Variants in SIL1 observed in about 807,000 individuals in gnomAD.
SIL1 encodes nucleotide exchange factor SIL1.
Under a neutral mutation model 49.1 loss-of-function variants are expected in SIL1, and 40 were observed. The ratio of observed to expected loss-of-function variants is 0.81; its 90% CI spans 0.63 to 1.06. SIL1 has a LOEUF of 1.06. SIL1 is among the 50% of genes least tolerant of loss of function. The pLI is 0.00. For synonymous variants in SIL1, 253 were observed against 250.8 expected (o/e 1.01, Z -0.08); for missense variants, 500 against 572.6 (o/e 0.87, Z 1.29).
In SIL1 at chr5:139,121,190, C is replaced by G; in HGVS notation, c.106-17G>C. Reference sequence around the variant, plus strand: ...AAACTCCTTCTGAGAAAAGAAAACACAGGGCATGACCCACTGCAACTAGGC... The same window carrying G: ...AAACTCCTTCTGAGAAAAGAAAACAGAGGGCATGACCCACTGCAACTAGGC... On this transcript the variant is annotated splice_polypyrimidine_tract_variant and intron_variant, in intron 2 of 9. Coordinates refer to ENST00000394817, the MANE Select transcript of SIL1 (RefSeq NM_022464.5). 1 of 1,613,928 alleles carries G rather than the reference C, an allele frequency of 6.2e-7. No homozygotes were observed. Among genetic ancestry groups the G allele is most frequent in the South Asian group, 1.1e-5 (1 of 91,076 alleles).
chr5:139,009,791 C>T (rs1768211404), intron 7 of SIL1, among the ~76,000 whole-genome samples: 1 of 135,826 alleles, frequency 7.4e-6, no homozygotes, highest in African/African-American at 2.8e-5. Context: ...AATATTGGCC[C>T]CCACTCTCTT....
At chr5:139,110,269 T>C (rs1215872270) in intron 3 of SIL1, among the ~76,000 whole-genome samples, 2 of 151,946 alleles carry the variant, frequency 1.3e-5, no homozygotes, top group Admixed American at 6.6e-5. Context: ...AGAGGGCTAC[T>C]GGGGTGGGGA....
chr5:139,134,818 G>A (rs531100388), intron 1 of SIL1, among the ~76,000 whole-genome samples: 3 of 152,302 alleles, frequency 2.0e-5, no homozygotes, highest in Admixed American at 1.3e-4. Context: ...CTGAAGGTTA[G>A]AGGATGAGCT....
intron 7 of SIL1, among the ~76,000 whole-genome samples, chr5:138,990,523 T>C (rs1767733530): frequency 6.6e-6 from 1 of 152,146 alleles, no homozygotes; most frequent in South Asian, 2.1e-4. Context: ...GGCGTTATCA[T>C]GGCTCACTGC....
intron 7 of SIL1, among the ~76,000 whole-genome samples, chr5:138,977,592 C>T (rs1176836441): frequency 2.0e-5 from 3 of 152,154 alleles, no homozygotes; most frequent in African/African-American, 4.8e-5. Context: ...CTACCTCCCT[C>T]GGCCTCCCAA....
intron 1 of SIL1, among the ~76,000 whole-genome samples, chr5:139,161,800 T>C (rs1322317581): frequency 6.6e-6 from 1 of 151,788 alleles, no homozygotes; most frequent in Non-Finnish European, 1.5e-5. Context: ...GCAGATTGAG[T>C]CCAGGAGTTT....
At chr5:138,972,158 C>CA (rs1488705500) in intron 7 of SIL1, among the ~76,000 whole-genome samples, 1 of 152,186 alleles carries the variant, frequency 6.6e-6, no homozygotes, top group Non-Finnish European at 1.5e-5. Context: ...CATGAGGCTT[C>CA]AGTTCCTGAG....
At chr5:139,099,140 G>A (rs1309677966) in intron 3 of SIL1, among the ~76,000 whole-genome samples, 1 of 152,012 alleles carries the variant, frequency 6.6e-6, no homozygotes, top group Non-Finnish European at 1.5e-5. Context: ...CTTAAAAGAA[G>A]ACATACAAAT....
At chr5:138,949,167 C>G (rs1766705725) in intron 9 of SIL1, among the ~76,000 whole-genome samples, 1 of 152,226 alleles carries the variant, frequency 6.6e-6, no homozygotes, top group African/African-American at 2.4e-5. Flanking sequence ...CACAGGCAGG[C>G]AGGGTCCCCC....
At chr5:139,001,606 A>T (rs1767985029) in intron 7 of SIL1, among the ~76,000 whole-genome samples, 1 of 152,186 alleles carries the variant, frequency 6.6e-6, no homozygotes, top group African/African-American at 2.4e-5. Context: ...ATGACAAACT[A>T]TAAAGAACAG....
In SIL1 at chr5:139,186,202, C is replaced by T. The variant is rs188171338; in HGVS notation, c.-11+12067G>A. On this transcript the variant is annotated intron_variant, in intron 1 of 9. Coordinates refer to ENST00000394817, the MANE Select transcript of SIL1 (RefSeq NM_022464.5). ...GGGACAAAAGTTGCTTTTCATAGCC[C>T]AGTGAAATCAGAATATAAGGGAGGA... Among the ~76,000 whole-genome samples the T allele has an allele frequency of 2.6e-4, 40 of 152,240 alleles. 1 individual carries two copies. The East Asian group carries it at 7.1e-3, about 27-fold the overall frequency.
chr5:139,025,250 T>C (rs1012234054), intron 6 of SIL1, among the ~76,000 whole-genome samples: 4 of 152,170 alleles, frequency 2.6e-5, no homozygotes, highest in African/African-American at 9.7e-5. Flanking sequence ...ATTCAAAAGG[T>C]ACCAGTTGCC....
At chr5:138,952,894 T>C (rs776065572) in intron 7 of SIL1, among the ~76,000 whole-genome samples, 2 of 152,238 alleles carry the variant, frequency 1.3e-5, no homozygotes, top group African/African-American at 2.4e-5. Context: ...AAGATTGCAT[T>C]AGGGATCAAT....
intron 3 of SIL1, among the ~76,000 whole-genome samples, chr5:139,060,751 A>G (rs1769567315): frequency 6.6e-6 from 1 of 152,230 alleles, no homozygotes; most frequent in Non-Finnish European, 1.5e-5. Context: ...TATCAGACAC[A>G]GTTCAATGTG....
intron 1 of SIL1, among the ~76,000 whole-genome samples, chr5:139,152,194 A>G (rs553492860): frequency 3.8e-4 from 58 of 152,346 alleles, no homozygotes; most frequent in African/African-American, 1.3e-3. Context: ...CGCTCTCCAC[A>G]CAATTCTTCA....
intron 3 of SIL1, among the ~76,000 whole-genome samples, chr5:139,055,238 A>G (rs1769379459): frequency 6.6e-6 from 1 of 152,128 alleles, no homozygotes; most frequent in Non-Finnish European, 1.5e-5. Flanking sequence ...CCCTGTCCAT[A>G]TTGAGTAAGG....
chr5:139,171,137 C>CTG (rs200475922), intron 1 of SIL1, among the ~76,000 whole-genome samples: 2 of 151,986 alleles, frequency 1.3e-5, no homozygotes, highest in Admixed American at 6.5e-5. Flanking sequence ...GCGCCTCTGC[C>CTG]CCGCCGCCCC....
chr5:138,971,772 C>A (rs1003926470), intron 7 of SIL1, among the ~76,000 whole-genome samples: 1 of 152,216 alleles, frequency 6.6e-6, no homozygotes, highest in Non-Finnish European at 1.5e-5. Flanking sequence ...CCCAGCACCA[C>A]AAAAGCTGCC....
chr5:138,970,705 G>A (rs1767250112), intron 7 of SIL1, among the ~76,000 whole-genome samples: 1 of 152,130 alleles, frequency 6.6e-6, no homozygotes, highest in African/African-American at 2.4e-5. Context: ...GAATTCCAGG[G>A]AAGATCCTGG....
Sources: allele counts gnomAD v4.1 joint callset (sites outside exome capture counted in the v4.1 genomes callset), GRCh38; gene constraint gnomAD v4.1.1; transcripts MANE v1.5; gene names NCBI Gene and HGNC (gene_info 2026-07-23, HGNC 2026-07-21).